The following TMC7 variants were observed in gnomAD, a reference collection of about 807,000 sequenced individuals.
The protein encoded by TMC7 is transmembrane channel-like protein 7.
Under a neutral mutation model 82.9 loss-of-function variants are expected in TMC7, and 54 were observed. The ratio of observed to expected loss-of-function variants is 0.65; its 90% CI spans 0.52 to 0.82. The LOEUF (loss-of-function observed/expected upper bound fraction) is 0.82. Ranked by LOEUF, TMC7 falls within the 40% of genes least tolerant of loss-of-function variation. The pLI, the probability that TMC7 is intolerant of heterozygous loss-of-function variation, is 0.00. For missense variants in TMC7, 820 were observed against 901.2 expected (o/e 0.91, Z 1.15); for synonymous variants, 350 against 337.9 (o/e 1.04, Z -0.39).
chr16:19,019,510 CT>C (rs2142204326), intron 3 of TMC7, among the ~76,000 whole-genome samples: 1 of 152,300 alleles, frequency 6.6e-6, no homozygotes, highest in African/African-American at 2.4e-5. Context: ...GTGTTAAGCA[CT>C]TCACTCATTA....
rs1169605541 is a variant in TMC7 at position 18,986,953 on chromosome 16, C to T, written c.67+2823C>T. 4.7e-4 allele frequency among the ~76,000 whole-genome samples: 71 copies of T among 151,282 alleles called. 1 individual carries two copies. Among genetic ancestry groups the T allele is most frequent in the Admixed American group, 1.3e-4 (2 of 15,212 alleles). ...CCGAGTAGCTGGGACTACAGGCATC[C>T]GCCACCACGCCTGGCTAATTTTTTT... On this transcript the variant is annotated intron_variant, in intron 1 of 15. Transcript: ENST00000304381.
intron 12 of TMC7, among the ~76,000 whole-genome samples, chr16:19,047,936 T>A (rs1961361155): frequency 6.6e-6 from 1 of 151,494 alleles, no homozygotes; most frequent in South Asian, 2.1e-4. Context: ...CCTGACCTCG[T>A]GATCCACCCG....
intron 1 of TMC7, among the ~76,000 whole-genome samples, chr16:18,998,550 C>G (rs562745379): frequency 6.6e-6 from 1 of 151,894 alleles, no homozygotes; most frequent in Non-Finnish European, 1.5e-5. Flanking sequence ...GTCAGGAGAT[C>G]GAGACCATCC....
chr16:19,038,163 C>G, intron 8 of TMC7, 116 bp downstream of exon 8: 3 of 1,041,548 alleles, frequency 2.9e-6, no homozygotes, highest in Admixed American at 2.5e-5. Flanking sequence ...CTGATATGAT[C>G]AAGACCTGAA....
chr16:19,051,778 G>C lies in TMC7; in HGVS notation c.1833G>C (p.Leu611=). 1 of 1,614,076 alleles carries C rather than the reference G, an allele frequency of 6.2e-7. No individual in the cohort carries two copies. The highest frequency in any genetic ancestry group is 8.5e-7 in the Non-Finnish European group (1 of 1,180,024). ...TCCTGTTGGTGTTGTTGATCGGGCT[G>C]TGTTTGGCAATAATACCTCTGACAA... ...FFFLLVLLIG[L]CLAIIPLTIS... The change falls in exon 13 of 16, where the codon CTG becomes CTC. Residue 611 remains leucine, a synonymous_variant. Coordinates refer to ENST00000304381, the MANE Select transcript of TMC7 (RefSeq NM_024847.4).
At chr16:19,001,180 G>A (rs1409042074) in intron 1 of TMC7, among the ~76,000 whole-genome samples, 1 of 152,048 alleles carries the variant, frequency 6.6e-6, no homozygotes, top group African/African-American at 2.4e-5. Context: ...GGCGTGGTGG[G>A]TGATCTAACC....
intron 1 of TMC7, among the ~76,000 whole-genome samples, chr16:19,007,881 G>T (rs754716260): frequency 6.6e-6 from 1 of 151,172 alleles, no homozygotes; most frequent in Non-Finnish European, 1.5e-5. Flanking sequence ...TATAACTGCC[G>T]CGTGAGTAGG....
chr16:18,996,042 C>T (rs1278287887), intron 1 of TMC7, among the ~76,000 whole-genome samples: 2 of 152,086 alleles, frequency 1.3e-5, no homozygotes, highest in Non-Finnish European at 2.9e-5. Context: ...GCTCCAGCCA[C>T]CTTTTTAAGA....
rs984229533 is a variant in TMC7 at position 19,063,506 on chromosome 16, C to T, written c.*1663C>T. ...AGGTGAAGGCTGCAGTGTGCGAGACCGTGCCACTGTACTCCAGCCTAGGTG... is the reference window on the plus strand; with the variant it reads ...AGGTGAAGGCTGCAGTGTGCGAGACTGTGCCACTGTACTCCAGCCTAGGTG... On this transcript the variant is annotated 3_prime_UTR_variant, in exon 16 of 16. Transcript: ENST00000304381. 12 of 151,710 alleles carry T rather than the reference C, an allele frequency of 7.9e-5. No individual in the cohort carries two copies. Among genetic ancestry groups the T allele is most frequent in the Non-Finnish European group, 1.3e-4 (9 of 67,964 alleles). The allele number at this position is 151,710 out of a possible 1,614,324, so 9.4% of individuals were successfully genotyped here.
At position 19,009,399 on chromosome 16, in the gene TMC7, G is replaced by C. The variant is rs753880688; in HGVS notation, c.295G>C (p.Glu99Gln). Residue 99 changes from glutamate (E) to glutamine (Q), a missense_variant, in exon 2 of 16, where the codon GAG becomes CAG. This residue lies in a region of TMC7 where 650 missense variants were observed against 669.9 expected (regional missense o/e 0.97). Transcript: ENST00000304381. ...SLRNYALNIS[E>Q]KRRLRDIQET... ...TCGAAATTATGCACTGAACATCTCTGAGAAGCGGAGACTAAGGTTTGTTCA... is the reference window on the plus strand; with the variant it reads ...TCGAAATTATGCACTGAACATCTCTCAGAAGCGGAGACTAAGGTTTGTTCA... 6.2e-7 allele frequency: 1 copy of C among 1,613,314 alleles called. No individual in the cohort carries two copies. The highest frequency in any genetic ancestry group is 1.1e-5 in the South Asian group (1 of 91,054).
At chr16:19,059,794 T>G (rs559573784) in intron 15 of TMC7, 12 of 886,730 alleles carry the variant, frequency 1.4e-5, no homozygotes, top group Non-Finnish European at 1.9e-5. Flanking sequence ...CTGGCCAACA[T>G]GGTGAAACCC....
chr16:19,003,454 A>AG (rs1162577410), intron 1 of TMC7, among the ~76,000 whole-genome samples: 3 of 150,050 alleles, frequency 2.0e-5, no homozygotes, highest in Non-Finnish European at 3.0e-5. Context: ...CCGGGAGGTG[A>AG]GGGGCGCCTC....
intron 5 of TMC7, among the ~76,000 whole-genome samples, chr16:19,026,929 T>G (rs1317467002): frequency 2.0e-5 from 3 of 150,834 alleles, no homozygotes; most frequent in Non-Finnish European, 3.0e-5. Context: ...ACCCAGCTAA[T>G]TTTTGTATTT....
intron 11 of TMC7, 42 bp downstream of exon 11, chr16:19,045,480 C>T: frequency 7.6e-7 from 1 of 1,313,418 alleles, no homozygotes. Flanking sequence ...CCACCACACA[C>T]ATGCACACAC....
In TMC7 at chr16:19,023,207, A is replaced by T. The variant is rs754944887; in HGVS notation, c.711+12A>T. On this transcript the variant is annotated intron_variant, in intron 5 of 15. Transcript: ENST00000304381. ...TGCTTTCTGGCACTGTAAGTATTTA[A>T]CATAATCCTTTGTTTAGCTCCTCAA... 1 of 1,549,204 alleles carries T rather than the reference A, an allele frequency of 6.5e-7. No homozygotes were observed. The highest frequency in any genetic ancestry group is 1.4e-5 in the African/African-American group (1 of 73,402).
In TMC7 at chr16:19,061,956, C is replaced by A; in HGVS notation, c.*113C>A. ...AGTGGACATTTAAAAATATATTTTT[C>A]TTGAGTTTAGGCTTTTCCATATGTG... On this transcript the variant is annotated 3_prime_UTR_variant, in exon 16 of 16. Transcript: ENST00000304381. The A allele has an allele frequency of 1.1e-6, 1 of 878,232 alleles. No individual in the cohort carries two copies. The highest frequency in any genetic ancestry group is 1.7e-6 in the Non-Finnish European group (1 of 591,844). The allele number at this position is 878,232 out of a possible 1,614,324, so 54.4% of individuals were successfully genotyped here.
intron 13 of TMC7, among the ~76,000 whole-genome samples, chr16:19,056,102 T>G (rs1182305586): frequency 2.0e-5 from 3 of 151,990 alleles, no homozygotes; most frequent in Non-Finnish European, 2.9e-5. Context: ...TTCTTTTTTT[T>G]TTTTGAGACG....
chr16:19,030,969 TC>T (rs1960489941), intron 6 of TMC7, among the ~76,000 whole-genome samples: 1 of 152,018 alleles, frequency 6.6e-6, no homozygotes, highest in Non-Finnish European at 1.5e-5. Context: ...ATTAACTAGG[TC>T]TCTACTGGGT....
At chr16:19,015,269 GT>G (rs60420228) in intron 2 of TMC7, among the ~76,000 whole-genome samples, 107 of 142,556 alleles carry the variant, frequency 7.5e-4, no homozygotes, top group South Asian at 2.7e-3. Context: ...TGGCCTCCTT[GT>G]TTTTTTTTTT....
Sources: allele counts gnomAD v4.1 joint callset (sites outside exome capture counted in the v4.1 genomes callset), GRCh38; gene constraint gnomAD v4.1.1; regional missense constraint gnomAD v4.1.1; transcripts MANE v1.5; gene names NCBI Gene and HGNC (gene_info 2026-07-23, HGNC 2026-07-21).